The following RNF150 variants were observed in gnomAD, a reference collection of about 807,000 sequenced individuals.
The protein encoded by RNF150 is ring finger protein 150.
RNF150 carries 24 observed loss-of-function variants against 39.3 expected under a neutral mutation model. That is an observed-to-expected ratio of 0.61 (90% confidence interval 0.44 to 0.86). The LOEUF (loss-of-function observed/expected upper bound fraction) is 0.86, where lower values mean the gene tolerates loss of function less well. Ranked by LOEUF, RNF150 falls within the 40% of genes least tolerant of loss-of-function variation. RNF150 has a pLI of 0.00. For missense variants in RNF150, 502 were observed against 587.8 expected, an observed-to-expected ratio of 0.85 and a Z score of 1.51; for synonymous variants, 255 against 227.3, an observed-to-expected ratio of 1.12 and a Z score of -1.10.
intron 1 of RNF150, among the ~76,000 whole-genome samples, chr4:141,159,771 C>T (rs897625505): frequency 5.9e-5 from 9 of 152,090 alleles, no homozygotes; most frequent in Admixed American, 6.5e-5. Context: ...CTCCAACTTA[C>T]GGGTTCAAGT....
chr4:141,171,668 T>C (rs941705183), intron 1 of RNF150, among the ~76,000 whole-genome samples: 13 of 152,210 alleles, frequency 8.5e-5, no homozygotes, highest in African/African-American at 3.1e-4. Flanking sequence ...CTACAATGTA[T>C]CCATAGCCCA....
chr4:141,170,074 C>A (rs147838869), intron 1 of RNF150, among the ~76,000 whole-genome samples: 1 of 151,984 alleles, frequency 6.6e-6, no homozygotes. Context: ...GCTCACTGCT[C>A]GTATAATTAA....
At chr4:140,948,332 A>T (rs1297230152) in intron 3 of RNF150, among the ~76,000 whole-genome samples, 3 of 152,228 alleles carry the variant, frequency 2.0e-5, no homozygotes, top group Admixed American at 2.0e-4. Flanking sequence ...ATAGCACATA[A>T]TTTGTGAAAT....
At chr4:141,049,786 AAACT>A (rs2110886175) in intron 1 of RNF150, among the ~76,000 whole-genome samples, 1 of 152,288 alleles carries the variant, frequency 6.6e-6, no homozygotes, top group Admixed American at 6.5e-5. Context: ...GCTTAAATAA[AAACT>A]AACTATAAAC....
At chr4:140,965,217 T>A (rs1161516808) in intron 2 of RNF150, among the ~76,000 whole-genome samples, 1 of 152,088 alleles carries the variant, frequency 6.6e-6, no homozygotes, top group Non-Finnish European at 1.5e-5. Context: ...AGGACGTCTA[T>A]CATGCAGAAA....
At chr4:141,157,210 A>G (rs1727423348) in intron 1 of RNF150, among the ~76,000 whole-genome samples, 1 of 151,920 alleles carries the variant, frequency 6.6e-6, no homozygotes, top group Non-Finnish European at 1.5e-5. Flanking sequence ...CACGTGCACA[A>G]TATCTCCCCC....
intron 1 of RNF150, among the ~76,000 whole-genome samples, chr4:141,066,239 G>A (rs374714356): frequency 0.014 from 1,026 of 73,382 alleles, 6 homozygotes; most frequent in Non-Finnish European, 0.027. Flanking sequence ...CAGTATATGT[G>A]CGAAAAAAAA....
At chr4:141,082,379 T>C (rs1251224828) in intron 1 of RNF150, among the ~76,000 whole-genome samples, 1 of 152,178 alleles carries the variant, frequency 6.6e-6, no homozygotes, top group Non-Finnish European at 1.5e-5. Flanking sequence ...AGGGATTCAA[T>C]TCAGTTCCTG....
At chr4:140,988,479 T>C (rs908934287) in intron 1 of RNF150, among the ~76,000 whole-genome samples, 1 of 151,980 alleles carries the variant, frequency 6.6e-6, no homozygotes, top group Non-Finnish European at 1.5e-5. Context: ...GTGAAAATAT[T>C]CACAAATATA....
intron 3 of RNF150, among the ~76,000 whole-genome samples, chr4:140,948,342 TA>T (rs1370757737): frequency 6.6e-6 from 1 of 152,204 alleles, no homozygotes; most frequent in African/African-American, 2.4e-5. Flanking sequence ...ATTTGTGAAA[TA>T]AATCATTCAG....
chr4:140,988,468 T>G (rs2111472772), intron 1 of RNF150, among the ~76,000 whole-genome samples: 1 of 152,182 alleles, frequency 6.6e-6, no homozygotes, highest in African/African-American at 2.4e-5. Context: ...GCAGTTGTAT[T>G]GTGAAAATAT....
At chr4:141,020,801 G>A (rs185062833) in intron 1 of RNF150, among the ~76,000 whole-genome samples, 1 of 152,264 alleles carries the variant, frequency 6.6e-6, no homozygotes, top group African/African-American at 2.4e-5. Context: ...CATTTGGTTA[G>A]ATTATTGAGT....
chr4:140,992,433 A>G (rs143410833), intron 1 of RNF150, among the ~76,000 whole-genome samples: 132 of 152,254 alleles, frequency 8.7e-4, no homozygotes, highest in African/African-American at 3.1e-3. Context: ...ATGGGGAAAA[A>G]AAAGGAATAA....
intron 2 of RNF150, among the ~76,000 whole-genome samples, chr4:140,955,786 C>T (rs566434013): frequency 1.3e-5 from 2 of 152,314 alleles, no homozygotes; most frequent in African/African-American, 4.8e-5. Context: ...TGGCAAACTC[C>T]TTTCCTTTCT....
intron 1 of RNF150, among the ~76,000 whole-genome samples, chr4:141,201,097 T>TCACATGAATTAG (rs756182138): frequency 0.29 from 43,701 of 151,838 alleles, 6,643 homozygotes; most frequent in African/African-American, 0.39. Context: ...ATTTCAGATC[T>TCACATGAATTAG]TTACCAATCT....
chr4:141,154,994 T>C (rs936098829), intron 1 of RNF150, among the ~76,000 whole-genome samples: 5 of 152,200 alleles, frequency 3.3e-5, no homozygotes, highest in African/African-American at 1.2e-4. Flanking sequence ...AGTCAGATAT[T>C]TTACCATTAG....
At chr4:141,071,802 C>A (rs1191649414) in intron 1 of RNF150, among the ~76,000 whole-genome samples, 1 of 152,104 alleles carries the variant, frequency 6.6e-6, no homozygotes, top group African/African-American at 2.4e-5. Context: ...TAAAGGTATT[C>A]AGAAAATCTT....
chr4:140,909,376 T>C (rs570718112), intron 6 of RNF150, among the ~76,000 whole-genome samples: 1 of 152,298 alleles, frequency 6.6e-6, no homozygotes, highest in South Asian at 2.1e-4. Flanking sequence ...ATTTTGAAGA[T>C]AAACATAACT....
At chr4:141,121,386 C>G (rs1726596979) in intron 1 of RNF150, among the ~76,000 whole-genome samples, 1 of 152,178 alleles carries the variant, frequency 6.6e-6, no homozygotes, top group Non-Finnish European at 1.5e-5. Context: ...TTCTTTTTCA[C>G]CATTACCCTA....
Sources: allele counts gnomAD v4.1 joint callset (sites outside exome capture counted in the v4.1 genomes callset), GRCh38; gene constraint gnomAD v4.1.1; transcripts MANE v1.5; gene names NCBI Gene and HGNC (gene_info 2026-07-23, HGNC 2026-07-21).